LOC122539214: variants seen among roughly 807,000 people sequenced by gnomAD.
chr19:52,680,319 C>T, the LOC122539214 span, among the ~76,000 whole-genome samples: 3 of 152,096 alleles, frequency 2.0e-5, no homozygotes, highest in Non-Finnish European at 4.4e-5. Context: ...GTACCTGTAG[C>T]TCTCCCACAT....
chr19:52,652,877 CA>C, the LOC122539214 span: 2 of 1,041,308 alleles, frequency 1.9e-6, no homozygotes, highest in South Asian at 2.5e-5. Flanking sequence ...AAGGTCTTGC[CA>C]CACTCATTGC....
the LOC122539214 span, among the ~76,000 whole-genome samples, chr19:52,665,463 T>G: frequency 6.6e-6 from 1 of 152,192 alleles, no homozygotes; most frequent in Non-Finnish European, 1.5e-5. Flanking sequence ...GCATATAAAT[T>G]GCCCAGTTGT....
the LOC122539214 span, among the ~76,000 whole-genome samples, chr19:52,687,417 A>AT: frequency 3.8e-5 from 2 of 52,558 alleles, no homozygotes; most frequent in Admixed American, 2.1e-4. Context: ...TATAAATTAT[A>AT]ATATAAATTA....
the LOC122539214 span, among the ~76,000 whole-genome samples, chr19:52,664,032 G>A: frequency 6.6e-6 from 1 of 152,190 alleles, no homozygotes; most frequent in East Asian, 1.9e-4. Flanking sequence ...TTACAGGCAA[G>A]CATCACCATG....
At chr19:52,670,595 C>T in the LOC122539214 span, among the ~76,000 whole-genome samples, 1 of 152,104 alleles carries the variant, frequency 6.6e-6, no homozygotes, top group Non-Finnish European at 1.5e-5. Flanking sequence ...AAGAGTCAAA[C>T]TCTGTAAAAT....
the LOC122539214 span, among the ~76,000 whole-genome samples, chr19:52,661,129 C>T: frequency 6.6e-6 from 1 of 152,008 alleles, no homozygotes; most frequent in African/African-American, 2.4e-5. Flanking sequence ...TCCCAAAGAG[C>T]TATGATTACA....
At chr19:52,690,300 T>G in the LOC122539214 span, 1 of 152,680 alleles carries the variant, frequency 6.5e-6, no homozygotes, top group Non-Finnish European at 1.5e-5. Context: ...AGGAAGCGAC[T>G]TCCAGACTCT....
the LOC122539214 span, among the ~76,000 whole-genome samples, chr19:52,687,097 C>T: frequency 6.6e-6 from 1 of 150,644 alleles, no homozygotes; most frequent in Non-Finnish European, 1.5e-5. Context: ...AGGAGAATTG[C>T]TTGAACCCAG....
At chr19:52,657,846 T>TA in the LOC122539214 span, among the ~76,000 whole-genome samples, 76 of 139,038 alleles carry the variant, frequency 5.5e-4, no homozygotes, top group East Asian at 6.3e-4. Flanking sequence ...AAACTCTGTC[T>TA]AAAAAAAAAA....
At chr19:52,654,169 C>T in the LOC122539214 span, 22 of 1,603,214 alleles carry the variant, frequency 1.4e-5, no homozygotes, top group African/African-American at 5.4e-5. Context: ...CCTTTGATCA[C>T]GTCGGTCTGT....
At chr19:52,676,367 A>C in the LOC122539214 span, among the ~76,000 whole-genome samples, 5 of 152,186 alleles carry the variant, frequency 3.3e-5, no homozygotes, top group African/African-American at 1.2e-4. Flanking sequence ...TTGGCCTCCC[A>C]AAGTGCCGAG....
At chr19:52,667,015 A>AC in the LOC122539214 span, among the ~76,000 whole-genome samples, 1 of 152,212 alleles carries the variant, frequency 6.6e-6, no homozygotes, top group Non-Finnish European at 1.5e-5. Context: ...GGCCACCTAT[A>AC]CCACTTCTAA....
chr19:52,687,381 TTA>T, the LOC122539214 span, among the ~76,000 whole-genome samples: 7 of 35,804 alleles, frequency 2.0e-4, no homozygotes, highest in Admixed American at 4.8e-4. Context: ...AAATTATAAT[TTA>T]TATATATATA....
At chr19:52,687,181 CAAA>C in the LOC122539214 span, among the ~76,000 whole-genome samples, 2 of 104,336 alleles carry the variant, frequency 1.9e-5, no homozygotes, top group Non-Finnish European at 2.0e-5. Flanking sequence ...AACTCCATCT[CAAA>C]AAAAAAAAAA....
At chr19:52,683,638 TG>T in the LOC122539214 span, among the ~76,000 whole-genome samples, 565 of 152,254 alleles carry the variant, frequency 3.7e-3, 3 homozygotes, top group Non-Finnish European at 5.5e-3. Context: ...AAAATGGAGA[TG>T]CCTCAGGACT....
chr19:52,680,953 C>T, the LOC122539214 span, among the ~76,000 whole-genome samples: 2 of 151,770 alleles, frequency 1.3e-5, no homozygotes, highest in African/African-American at 2.4e-5. Context: ...CTGTGGATGT[C>T]TCGGTTTTAT....
At chr19:52,685,724 T>C in the LOC122539214 span, among the ~76,000 whole-genome samples, 2 of 151,748 alleles carry the variant, frequency 1.3e-5, no homozygotes, top group Non-Finnish European at 2.9e-5. Flanking sequence ...TGGTGAAACC[T>C]TGTCTCTACT....
At chr19:52,652,980 A>C in the LOC122539214 span, 1 of 1,336,226 alleles carries the variant, frequency 7.5e-7, no homozygotes, top group South Asian at 1.2e-5. Flanking sequence ...TACACCTGTA[A>C]GGTTTCTCTC....
the LOC122539214 span, among the ~76,000 whole-genome samples, chr19:52,683,677 G>A: frequency 7.9e-5 from 12 of 152,282 alleles, no homozygotes; most frequent in African/African-American, 2.6e-4. Flanking sequence ...CTGGTCTGTA[G>A]GGCTTTTCTG....
Sources: gnomAD v4.1 joint callset for allele counts (sites outside exome capture counted in the v4.1 genomes callset) on GRCh38, gnomAD v4.1.1 for gene constraint, MANE v1.5 for transcripts.